PIGS: variants seen among roughly 807,000 people sequenced by gnomAD.
PIGS encodes the protein phosphatidylinositol glycan anchor biosynthesis class S.
A neutral mutation model predicts 58.2 loss-of-function variants in PIGS; 37 were observed. The observed-to-expected ratio is 0.64, with a 90% CI of 0.49 to 0.84. The LOEUF (loss-of-function observed/expected upper bound fraction) is 0.84. Among genes scored for constraint, PIGS ranks in the 40% least tolerant of loss-of-function variants. The probability of loss-of-function intolerance (pLI) is 0.00; values close to 1 mark genes in which losing one functional copy is unlikely to be tolerated. For synonymous variants in PIGS, 269 were observed against 289.2 expected (o/e 0.93, Z 0.71); for missense variants, 629 against 710.8 (o/e 0.88, Z 1.31).
chr17:28,555,559 C>CAG (rs1489945523), intron 10 of PIGS: 1 of 170,848 alleles, frequency 5.9e-6, no homozygotes, highest in Non-Finnish European at 1.3e-5. Context: ...ATCCTCAACA[C>CAG]AGAGCCTCAG....
intron 5 of PIGS, 42 bp downstream of exon 5, chr17:28,563,389 C>G: frequency 1.3e-6 from 2 of 1,516,422 alleles, no homozygotes; most frequent in Non-Finnish European, 1.8e-6. Flanking sequence ...AGTCCACGAG[C>G]TGAAGGGATA....
At chr17:28,554,544 G>T (rs1158999285) in intron 11 of PIGS, 49 bp from the exon 12 acceptor site, 7 of 1,577,108 alleles carry the variant, frequency 4.4e-6, no homozygotes, top group Non-Finnish European at 6.1e-6. Context: ...CCTAGGCATT[G>T]GTGGAAAGGG....
At position 28,554,970 on chromosome 17, in the gene PIGS, G is replaced by A. The variant is rs771229388; in HGVS notation, c.1273C>T (p.Arg425Trp). The A allele has an allele frequency of 2.8e-5, 45 of 1,611,566 alleles. No homozygotes were observed. The highest frequency in any genetic ancestry group is 4.4e-5 in the South Asian group (4 of 90,732). Residue 425 changes from arginine (R) to tryptophan (W), a missense_variant, in exon 11 of 12, where the codon CGG becomes TGG. Physicochemically the swap from Arg to Trp is moderately radical, Grantham distance 101 (BLOSUM62 -3). Transcript: ENST00000308360. ...TCCACTGACCGAGCCCAGAGCAGCC[G>A]GTCTAGCTCCCAGGTCATTAGCCCT... ...SEGLMTWELD[R>W]LLWARSVENL...
In PIGS at chr17:28,554,124, T is replaced by G; in HGVS notation, c.*96A>C. The G allele has an allele frequency of 6.8e-7, 1 of 1,477,776 alleles. No homozygotes were observed. Among genetic ancestry groups the G allele is most frequent in the Non-Finnish European group, 9.2e-7 (1 of 1,088,568 alleles). The allele number at this position is 1,477,776 out of a possible 1,614,324, so 91.5% of individuals were successfully genotyped here. A position where few individuals can be genotyped will look rare whatever the true frequency, so the allele number is the denominator to read the frequency against. On this transcript the variant is annotated 3_prime_UTR_variant, in exon 12 of 12. Coordinates refer to ENST00000308360, the MANE Select transcript of PIGS (RefSeq NM_033198.4). ...AACAGTGGAGACTGGAGACAAATAT[T>G]TAAGTCATTCCGGCAGGCCCCATGT... is the stretch of plus-strand genomic sequence containing the variant.
chr17:28,563,394 G>T, intron 5 of PIGS, 37 bp downstream of exon 5: 1 of 1,542,130 alleles, frequency 6.5e-7, no homozygotes, highest in African/African-American at 1.4e-5. Flanking sequence ...ACGAGCTGAA[G>T]GGATAAGGCA....
At chr17:28,564,359 T>G (rs1350423981) in intron 3 of PIGS, among the ~76,000 whole-genome samples, 2 of 152,018 alleles carry the variant, frequency 1.3e-5, no homozygotes, top group Non-Finnish European at 2.9e-5. Flanking sequence ...CTTGATCTCA[T>G]GAGTTGGAGA....
intron 3 of PIGS, among the ~76,000 whole-genome samples, chr17:28,569,513 A>C (rs2070415038): frequency 6.6e-6 from 1 of 151,940 alleles, no homozygotes; most frequent in Non-Finnish European, 1.5e-5. Context: ...GTTTTCACCA[A>C]GGCTAAAGAA....
Position 28,554,340 on chromosome 17 carries a change from G to T in PIGS, c.1548C>A (p.Asp516Glu), listed in dbSNP as rs751813940. ...SLLHLLYFPD[D>E]QKFAIYIPLF... is the part of the protein sequence containing the mutation. ...GTGGGATGTAGATGGCAAACTTCTG[G>T]TCATCAGGGAAATAAAGGAGGTGGA... The change falls in exon 12 of 12, where the codon GAC (aspartate) becomes GAA (glutamate). Residue 516 changes from aspartate (D) to glutamate (E), a missense_variant. Asp to Glu is a conservative substitution (Grantham distance 45). Coordinates refer to ENST00000308360, the MANE Select transcript of PIGS (RefSeq NM_033198.4). 1 of 1,614,170 alleles carries T rather than the reference G, an allele frequency of 6.2e-7. No individual in the cohort carries two copies. Among genetic ancestry groups the T allele is most frequent in the African/African-American group, 1.3e-5 (1 of 75,026 alleles).
At chr17:28,562,793 C>A (rs1004183779) in intron 5 of PIGS, among the ~76,000 whole-genome samples, 1 of 151,958 alleles carries the variant, frequency 6.6e-6, no homozygotes, top group Non-Finnish European at 1.5e-5. Flanking sequence ...CTCACTGCAA[C>A]CTCCACCTCC....
At chr17:28,568,261 C>A (rs2070405096) in intron 3 of PIGS, among the ~76,000 whole-genome samples, 1 of 152,088 alleles carries the variant, frequency 6.6e-6, no homozygotes, top group African/African-American at 2.4e-5. Context: ...CGCCACCACG[C>A]CCGGCTAATT....
Position 28,554,941 on chromosome 17 carries a change from G to T in PIGS, c.1302C>A (p.Asn434Lys). The T allele has an allele frequency of 1.2e-6, 2 of 1,613,598 alleles. No homozygotes were observed. Among genetic ancestry groups the T allele is most frequent in the African/African-American group, 1.3e-5 (1 of 75,020 alleles). ...TAAGGGTGGTGGTGGCTGTGGCCAGGTTCTCCACTGACCGAGCCCAGAGCA... is the reference window on the plus strand; with the variant it reads ...TAAGGGTGGTGGTGGCTGTGGCCAGTTTCTCCACTGACCGAGCCCAGAGCA... ...DRLLWARSVE[N>K]LATATTTLTS... Residue 434 changes from asparagine to lysine, a missense_variant, in exon 11 of 12, where the codon AAC becomes AAA. Asn to Lys is a moderately conservative substitution (Grantham distance 94, BLOSUM62 0). Transcript: ENST00000308360.
intron 3 of PIGS, among the ~76,000 whole-genome samples, chr17:28,568,827 GGCTCAC>G (rs1357141669): frequency 6.6e-6 from 1 of 152,200 alleles, no homozygotes; most frequent in Non-Finnish European, 1.5e-5. Context: ...TGGGCATGGT[GGCTCAC>G]GCCTGTAATC....
intron 5 of PIGS, among the ~76,000 whole-genome samples, chr17:28,563,049 T>C (rs1264902780): frequency 6.6e-6 from 1 of 152,104 alleles, no homozygotes; most frequent in African/African-American, 2.4e-5. Flanking sequence ...GGCTCACGCC[T>C]GTAATCTCAG....
intron 8 of PIGS, 55 bp from the exon 9 acceptor site, chr17:28,557,027 C>T: frequency 6.3e-7 from 1 of 1,596,950 alleles, no homozygotes; most frequent in South Asian, 1.1e-5. Context: ...GGACCTTAGT[C>T]CCAGGTCGGC....
In PIGS at chr17:28,563,427, T is replaced by C. The variant is rs751518897; in HGVS notation, c.468+4A>G. On this transcript the variant is annotated splice_donor_region_variant and intron_variant, in intron 5 of 11. Coordinates refer to ENST00000308360, the MANE Select transcript of PIGS (RefSeq NM_033198.4). Reference sequence around the variant, plus strand: ...GCAAAGTCGCAGCCTCTCTGTTACCTTACCTGGGGAAGAAGTGAGGAGTGT... The same window carrying C: ...GCAAAGTCGCAGCCTCTCTGTTACCCTACCTGGGGAAGAAGTGAGGAGTGT... 4 of 1,613,182 alleles carry C rather than the reference T, an allele frequency of 2.5e-6. No homozygotes were observed. The highest frequency in any genetic ancestry group is 3.3e-5 in the Admixed American group (2 of 60,010).
chr17:28,561,673 GAA>G, intron 5 of PIGS, 44 bp from the exon 6 acceptor site: 1 of 1,561,952 alleles, frequency 6.4e-7, no homozygotes, highest in African/African-American at 1.4e-5. Flanking sequence ...GCTCAGAAAA[GAA>G]AGCCAAAAAG....
At position 28,556,845 on chromosome 17, in the gene PIGS, G is replaced by T. The variant is rs1355228448; in HGVS notation, c.1062C>A (p.Pro354=). The change falls in exon 9 of 12, where the codon CCC becomes CCA. Residue 354 remains proline (P), a synonymous_variant. Coordinates refer to ENST00000308360, the MANE Select transcript of PIGS (RefSeq NM_033198.4). ...APVATNAFHS[P]RWGGIMVYNV... ...CTATTACCATAATGCCACCCCAGCG[G>T]GGACTATGGAAGGCATTGGTGGCCA... The T allele has an allele frequency of 1.9e-6, 3 of 1,613,952 alleles. No homozygotes were observed. The African/African-American group carries it at 4.0e-5, about 22-fold the overall frequency.
intron 5 of PIGS, among the ~76,000 whole-genome samples, chr17:28,563,225 G>A (rs1055158389): frequency 2.0e-5 from 3 of 151,990 alleles, no homozygotes; most frequent in East Asian, 1.9e-4. Flanking sequence ...CCCGGGAGGC[G>A]GAGGCTGCAG....
chr17:28,570,354 T>C (rs2070419652), intron 3 of PIGS, among the ~76,000 whole-genome samples: 1 of 152,094 alleles, frequency 6.6e-6, no homozygotes, highest in Admixed American at 6.6e-5. Flanking sequence ...CTACTAAAAA[T>C]ACAAAAATTA....
Sources: allele counts gnomAD v4.1 joint callset (sites outside exome capture counted in the v4.1 genomes callset), GRCh38; gene constraint gnomAD v4.1.1; transcripts MANE v1.5; gene names NCBI Gene and HGNC (gene_info 2026-07-23, HGNC 2026-07-21).